MTSS2: variants seen among roughly 807,000 people sequenced by gnomAD.
The protein encoded by MTSS2 is protein MTSS 2.
Under a neutral mutation model 67.1 loss-of-function variants are expected in MTSS2, and 27 were observed. The observed-to-expected ratio is 0.40, with a 90% CI of 0.30 to 0.55. The LOEUF (loss-of-function observed/expected upper bound fraction) is 0.55. MTSS2 is among the 20% of genes least tolerant of loss of function. The pLI, the probability that MTSS2 is intolerant of heterozygous loss-of-function variation, is 0.43. For synonymous variants in MTSS2, 624 were observed against 468.6 expected, an observed-to-expected ratio of 1.33 and a Z score of -4.28; for missense variants, 1,171 against 1,067.8, an observed-to-expected ratio of 1.10 and a Z score of -1.35.
At chr16:70,665,428 G>C in intron 12 of MTSS2, 38 bp downstream of exon 12, 2 of 1,534,816 alleles carry the variant, frequency 1.3e-6, no homozygotes, top group African/African-American at 2.7e-5. Flanking sequence ...GGGAGGGGCA[G>C]CTGGTGACTG....
Position 70,664,196 on chromosome 16 carries a change from G to A in MTSS2, c.1725C>T (p.Arg575=). 2.5e-6 allele frequency: 4 copies of A among 1,596,144 alleles called. No homozygotes were observed. The highest frequency in any genetic ancestry group is 3.4e-6 in the Non-Finnish European group (4 of 1,175,458). ...TGGGGCCAGCGCTGGACAGGGCGCG[G>A]CGCACGGTGGGCTTGGTGGAGGGTG... ...RRTPSTKPTV[R]RALSSAGPIP... Residue 575 remains arginine (R), a synonymous_variant, in exon 15 of 15, where the codon CGC becomes CGT. Transcript: ENST00000338779.
At chr16:70,666,482 C>A (rs561135998) in intron 11 of MTSS2, among the ~76,000 whole-genome samples, 1 of 152,184 alleles carries the variant, frequency 6.6e-6, no homozygotes, top group South Asian at 2.1e-4. Flanking sequence ...CTGGGGCAGA[C>A]GCCAGCTTCA....
At chr16:70,666,809 T>C (rs2864755) in intron 11 of MTSS2, among the ~76,000 whole-genome samples, 57,254 of 152,178 alleles carry the variant, frequency 0.38, 13,191 homozygotes, top group Non-Finnish European at 0.51. Flanking sequence ...AGACACAAGC[T>C]GCTAGAAAGG....
At chr16:70,677,701 C>T (rs1597820160) in intron 9 of MTSS2, 91 bp downstream of exon 9, 3 of 1,003,674 alleles carry the variant, frequency 3.0e-6, no homozygotes, top group East Asian at 2.6e-5. Flanking sequence ...CCCCAAATGC[C>T]ATCCTCTTTT....
intron 11 of MTSS2, among the ~76,000 whole-genome samples, chr16:70,667,042 G>T (rs936228174): frequency 1.1e-4 from 17 of 151,844 alleles, no homozygotes; most frequent in African/African-American, 4.1e-4. Flanking sequence ...TTGGGAGGCT[G>T]ATGCATAAGG....
In MTSS2 at chr16:70,664,608, G is replaced by A. The variant is rs2052628319; in HGVS notation, c.1461C>T (p.Ile487=). Residue 487 remains isoleucine (I), a synonymous_variant, in exon 14 of 15, where the codon ATC becomes ATT. Transcript: ENST00000338779. ...GCCCCGCGGGCCTGCCTTGGGAGGG[G>A]ATGGTGTCCTCAGAGCAGGAGGGCG... The part of the protein sequence containing the change: ...TTTPSCSEDT[I]PSQGSDYDCY... 2 of 1,612,474 alleles carry A rather than the reference G, an allele frequency of 1.2e-6. No homozygotes were observed. Among genetic ancestry groups the A allele is most frequent in the Non-Finnish European group, 1.7e-6 (2 of 1,179,568 alleles).
At chr16:70,679,208 C>T (rs2142888614) in intron 7 of MTSS2, 107 bp downstream of exon 7, 1 of 1,443,316 alleles carries the variant, frequency 6.9e-7, no homozygotes, top group Middle Eastern at 1.8e-4. Flanking sequence ...GCCTTCCTCG[C>T]TTCTCCTTGG....
intron 11 of MTSS2, among the ~76,000 whole-genome samples, chr16:70,669,174 T>G (rs2052831485): frequency 6.6e-6 from 1 of 152,116 alleles, no homozygotes; most frequent in South Asian, 2.1e-4. Context: ...ACTGGACTAT[T>G]TTAAAACTAA....
At chr16:70,683,011 G>A (rs976271828) in intron 1 of MTSS2, among the ~76,000 whole-genome samples, 8 of 152,234 alleles carry the variant, frequency 5.3e-5, no homozygotes, top group African/African-American at 1.9e-4. Flanking sequence ...TCAAGGCTGG[G>A]GAGGCGGCAG....
intron 10 of MTSS2, among the ~76,000 whole-genome samples, chr16:70,674,766 T>G (rs957203286): frequency 1.3e-5 from 2 of 152,130 alleles, no homozygotes; most frequent in Non-Finnish European, 2.9e-5. Flanking sequence ...GGAGCCGTGG[T>G]CAGGGAATGC....
At position 70,663,252 on chromosome 16, in the gene MTSS2, G is replaced by A. The variant is rs140435443; in HGVS notation, c.*425C>T. The A allele has an allele frequency of 2.2e-3, 394 of 181,122 alleles. 1 individual carries two copies. The highest frequency in any genetic ancestry group is 3.5e-3 in the Non-Finnish European group (305 of 86,852). The allele number at this position is 181,122 out of a possible 1,614,324, so 11.2% of individuals were successfully genotyped here. A position where few individuals can be genotyped will look rare whatever the true frequency, so the allele number is the denominator to read the frequency against. ...AGAGAAGGCAAGAGGGGAGGAGGGG[G>A]CTCAGGCAGGGGAGAGGGGGGCCAG... On this transcript the variant is annotated 3_prime_UTR_variant, in exon 15 of 15. Transcript: ENST00000338779.
At chr16:70,673,269 T>C (rs934669951) in intron 11 of MTSS2, among the ~76,000 whole-genome samples, 4 of 152,130 alleles carry the variant, frequency 2.6e-5, no homozygotes, top group Non-Finnish European at 5.9e-5. Flanking sequence ...TAAATCCACA[T>C]TGTAGACACG....
intron 12 of MTSS2, 118 bp downstream of exon 12, chr16:70,665,348 G>A: frequency 8.9e-7 from 1 of 1,121,860 alleles, no homozygotes; most frequent in Non-Finnish European, 1.3e-6. Context: ...GACAGGTGCT[G>A]TGTGCACGCA....
intron 6 of MTSS2, 58 bp downstream of exon 6, chr16:70,679,572 G>A (rs2053230211): frequency 2.7e-6 from 4 of 1,506,274 alleles, no homozygotes; most frequent in African/African-American, 1.4e-5. Context: ...CCCACGGGGC[G>A]GTGGGGCTGT....
Position 70,664,161 on chromosome 16 carries a change from C to CGGATGG in MTSS2, c.1754_1759dup (p.Pro585_Ile586dup), listed in dbSNP as rs776127633. ...CGTCTTCACAGGGACGATGGGCGGC[C>CGGATGG]GGATGGGGATGGGGCCAGCGCTGGA... is the stretch of plus-strand genomic sequence containing the variant. On this transcript the variant is annotated inframe_insertion, in exon 15 of 15. Coordinates refer to ENST00000338779, the MANE Select transcript of MTSS2 (RefSeq NM_138383.3). 6.8e-6 allele frequency: 11 copies of CGGATGG among 1,606,750 alleles called. No individual in the cohort carries two copies. The highest frequency in any genetic ancestry group is 4.0e-5 in the African/African-American group (3 of 74,900).
chr16:70,685,760 A>G lies in MTSS2; in HGVS notation c.32T>C (p.Leu11Pro). The change falls in exon 1 of 15, where the codon CTG (leucine) becomes CCG (proline). Residue 11 changes from leucine to proline, a missense_variant. By Grantham distance (98) the Leu-to-Pro change is moderately conservative. Around this residue, in one of 2 missense-constraint regions of MTSS2, gnomAD observed 247 missense variants for 311.8 expected, o/e 0.79. Transcript: ENST00000338779. METAEKECGA[L>P]GGLFQAIVND... ...GACTATGGCCTGGAAGAGCCCGCCC[A>G]GGGCGCCGCACTCCTTCTCCGCCGT... 7.3e-7 allele frequency: 1 copy of G among 1,363,688 alleles called. No homozygotes were observed. Among genetic ancestry groups the G allele is most frequent in the Non-Finnish European group, 9.7e-7 (1 of 1,036,196 alleles). 84.5% of individuals were successfully genotyped at this position (1,363,688 alleles called of 1,614,324 possible). A position where few individuals can be genotyped will look rare whatever the true frequency, so the allele number is the denominator to read the frequency against.
intron 11 of MTSS2, chr16:70,665,947 C>A: frequency 5.7e-6 from 1 of 176,434 alleles, no homozygotes; most frequent in Non-Finnish European, 1.2e-5. Flanking sequence ...CCGAGTGCCA[C>A]GCTGAGCACT....
At position 70,664,444 on chromosome 16, in the gene MTSS2, C is replaced by T. The variant is rs1274107100; in HGVS notation, c.1477G>A (p.Asp493Asn). 10 of 1,536,352 alleles carry T rather than the reference C, an allele frequency of 6.5e-6. No homozygotes were observed. The highest frequency in any genetic ancestry group is 4.5e-5 in the East Asian group (2 of 44,108). Residue 493 changes from aspartate (D) to asparagine (N), a missense_variant, in exon 15 of 15, where the codon GAC (aspartate) becomes AAC (asparagine). By Grantham distance (23) the Asp-to-Asn change is conservative (BLOSUM62 1). Coordinates refer to ENST00000338779, the MANE Select transcript of MTSS2 (RefSeq NM_138383.3). The part of the protein sequence containing the change: ...SEDTIPSQGS[D>N]YDCYSVNGDA... ...CCATTCACGGAGTAGCAGTCGTAGTCGGAGCCTGGGGGCACGGGACACAGT... is the reference window on the plus strand; with the variant it reads ...CCATTCACGGAGTAGCAGTCGTAGTTGGAGCCTGGGGGCACGGGACACAGT...
intron 11 of MTSS2, among the ~76,000 whole-genome samples, chr16:70,666,316 G>A (rs1273379019): frequency 6.6e-6 from 1 of 152,194 alleles, no homozygotes; most frequent in African/African-American, 2.4e-5. Context: ...TTTTAAAGTG[G>A]ACTGAAGTAT....
Sources: gnomAD v4.1 joint callset for allele counts (sites outside exome capture counted in the v4.1 genomes callset) on GRCh38, gnomAD v4.1.1 for gene constraint, gnomAD v4.1.1 regional missense constraint, MANE v1.5 for transcripts, NCBI Gene and HGNC (gene_info 2026-07-23, HGNC 2026-07-21) for gene names.